C4orf50: variants seen among roughly 807,000 people sequenced by gnomAD.
The protein encoded by C4orf50 is uncharacterized protein C4orf50.
C4orf50 carries 80 observed loss-of-function variants against 77.2 expected under a neutral mutation model. That is an observed-to-expected ratio of 1.04 (90% CI 0.87 to 1.25). The LOEUF (loss-of-function observed/expected upper bound fraction) is 1.25. C4orf50 is among the 50% of genes most tolerant of loss of function. The pLI is 0.00. For synonymous variants in C4orf50, 532 were observed against 465.3 expected (o/e 1.14, Z -1.84); for missense variants, 1,257 against 1,152.9 (o/e 1.09, Z -1.31).
chr4:6,002,497 C>T (rs1012275573), intron 25 of C4orf50, among the ~76,000 whole-genome samples: 21 of 152,212 alleles, frequency 1.4e-4, no homozygotes, highest in African/African-American at 4.6e-4. Context: ...CCTGCAGCCC[C>T]GGGAATACCC....
At chr4:5,909,480 T>C (rs1716700767) in intron 7 of C4orf50, among the ~76,000 whole-genome samples, 1 of 152,248 alleles carries the variant, frequency 6.6e-6, no homozygotes, top group South Asian at 2.1e-4. Flanking sequence ...CTCTGTTGAT[T>C]GTTTCCTTTG....
At chr4:5,914,426 G>T (rs912077332) in intron 7 of C4orf50, among the ~76,000 whole-genome samples, 1 of 151,794 alleles carries the variant, frequency 6.6e-6, no homozygotes, top group Non-Finnish European at 1.5e-5. Context: ...GGATGGTCTC[G>T]ATCTCCTGAC....
chr4:5,997,360 A>G (rs73196050), intron 25 of C4orf50, among the ~76,000 whole-genome samples: 9,926 of 152,310 alleles, frequency 0.065, 348 homozygotes, highest in African/African-American at 0.077. Flanking sequence ...GCCTCGAGGA[A>G]GTGACATCCA....
At chr4:5,950,797 G>C (rs963344122) in intron 7 of C4orf50, among the ~76,000 whole-genome samples, 2 of 152,124 alleles carry the variant, frequency 1.3e-5, no homozygotes, top group Admixed American at 6.5e-5. Context: ...CTGATGACTT[G>C]TTCATAGCTG....
chr4:5,959,613 A>G, exon 34 of C4orf50: 2 of 1,613,420 alleles, frequency 1.2e-6, no homozygotes, highest in Non-Finnish European at 1.7e-6. Context: ...CGTGGACACC[A>G]AGGACAGAGG....
Position 5,959,294 on chromosome 4 carries a change from A to G in C4orf50, c.*81T>C, listed in dbSNP as rs1387878116. 11 of 1,487,318 alleles carry G rather than the reference A, an allele frequency of 7.4e-6. No individual in the cohort carries two copies. The East Asian group carries it at 1.8e-4, about 25-fold the overall frequency. 92.1% of individuals were successfully genotyped at this position (1,487,318 alleles called of 1,614,324 possible). ...TAAATGAGGGCTCTGATTGCTACCA[A>G]TTTCTTAAAGCACTCTCTGAAGGTT... On this transcript the variant is annotated 3_prime_UTR_variant, in exon 34 of 34. Coordinates refer to ENST00000531445, the Ensembl canonical transcript of C4orf50.
chr4:5,989,077 T>C (rs1409339259), exon 28 of C4orf50: 4 of 1,535,984 alleles, frequency 2.6e-6, no homozygotes, highest in South Asian at 1.2e-5. Context: ...CAGTTCTTTC[T>C]TTAACTGAGA....
At chr4:5,927,052 G>T (rs1330625156) in intron 7 of C4orf50, among the ~76,000 whole-genome samples, 1 of 152,218 alleles carries the variant, frequency 6.6e-6, no homozygotes, top group Non-Finnish European at 1.5e-5. Context: ...GATGCCCACT[G>T]TGGAAGGGGA....
At chr4:5,928,363 T>TACACACACACACACACATAC (rs143874965) in intron 7 of C4orf50, among the ~76,000 whole-genome samples, 1 of 146,468 alleles carries the variant, frequency 6.8e-6, no homozygotes, top group Non-Finnish European at 1.5e-5. Context: ...CACACACACA[T>TACACACACACACACACATAC]ACACACACAC....
At chr4:5,920,475 C>CTTTT (rs527939516) in intron 7 of C4orf50, among the ~76,000 whole-genome samples, 3 of 128,988 alleles carry the variant, frequency 2.3e-5, no homozygotes, top group Admixed American at 7.9e-5. Flanking sequence ...ATAAACATTG[C>CTTTT]TTTTTTTTTT....
Position 5,975,255 on chromosome 4 carries a change from G to A in C4orf50, c.3921+644C>T, listed in dbSNP as rs144675771. ...AAAGGAAGGGGCTTGAGCACAGAGC[G>A]CAGGGGTGGTGATTTTATGGACCAA... On this transcript the variant is annotated intron_variant, in intron 30 of 33. Transcript: ENST00000531445. Among the ~76,000 whole-genome samples the A allele has an allele frequency of 4.1e-3, 619 of 151,356 alleles. 4 individuals carry two copies. The highest frequency in any genetic ancestry group is 0.014 in the African/African-American group (586 of 41,264).
chr4:5,980,556 C>T (rs1255789588), intron 28 of C4orf50, among the ~76,000 whole-genome samples: 2 of 152,048 alleles, frequency 1.3e-5, no homozygotes, highest in African/African-American at 2.4e-5. Context: ...CATAGATTTT[C>T]TGCAGATTTC....
At chr4:5,955,082 G>A (rs1021158498), downstream of C4orf50, among the ~76,000 whole-genome samples, 7 of 151,984 alleles carry the variant, frequency 4.6e-5, no homozygotes, top group Admixed American at 1.3e-4. The surrounding 1 kb of genome is among the most constrained non-coding windows in gnomAD (Gnocchi z 5.1). Flanking sequence ...CCCTCTGAGC[G>A]CCCGCCCCTA....
chr4:5,983,671 G>T (rs1490686754), intron 28 of C4orf50, among the ~76,000 whole-genome samples: 1 of 152,194 alleles, frequency 6.6e-6, no homozygotes, highest in Non-Finnish European at 1.5e-5. Context: ...CAACAAGGCA[G>T]GCTCCACATT....
intron 26 of C4orf50, 112 bp from the exon 5 acceptor site, chr4:5,993,042 C>G (rs1014947586): frequency 2.3e-5 from 9 of 396,798 alleles, no homozygotes; most frequent in Non-Finnish European, 3.5e-5. Context: ...CCCCCCCACC[C>G]CCGACTGTGA....
rs1290821809 is a variant in C4orf50 at position 5,919,945 on chromosome 4, GCA to G, written c.*2475-21759_*2475-21758del. On this transcript the variant is annotated intron_variant, in intron 7 of 7. Transcript: ENST00000324058. This position sits in a 1 kb window ranked among gnomAD's most constrained non-coding sequence, Gnocchi z 6.5. ...AGAAAACTTAGTCTGTGTTCAACAC[GCA>G]CAGACTTTTCTTGTCATCATTCCCT... Among the ~76,000 whole-genome samples, 3 of 152,202 alleles carry G rather than the reference GCA, an allele frequency of 2.0e-5. No homozygotes were observed. In the East Asian group the frequency reaches 5.8e-4, roughly 29 times the overall value.
chr4:5,996,832 C>T (rs1287041489), intron 25 of C4orf50, among the ~76,000 whole-genome samples: 1 of 152,254 alleles, frequency 6.6e-6, no homozygotes, highest in Non-Finnish European at 1.5e-5. Flanking sequence ...CCTGCCTGCA[C>T]CCAGAGGGCC....
Position 5,919,210 on chromosome 4 carries a change from G to C in C4orf50, c.*2475-21022C>G, listed in dbSNP as rs185000550. On this transcript the variant is annotated intron_variant, in intron 7 of 7. Transcript: ENST00000324058. This position sits in a 1 kb window ranked among gnomAD's most constrained non-coding sequence, Gnocchi z 6.5. ...AGGGCCCCTGGCTGTGCCATTTCCG[G>C]AGCTGAATGTATTCAGGGGCCTGTT... 3.3e-4 allele frequency among the ~76,000 whole-genome samples: 51 copies of C among 152,286 alleles called. No individual in the cohort carries two copies. The East Asian group carries it at 7.5e-3, about 23-fold the overall frequency.
intron 7 of C4orf50, among the ~76,000 whole-genome samples, chr4:5,914,594 G>A (rs13131600): frequency 0.78 from 118,110 of 152,098 alleles, 49,885 homozygotes; most frequent in East Asian, 1. Context: ...AATTATCACG[G>A]TTTGAATTTT....
Sources: allele counts gnomAD v4.1 joint callset (sites outside exome capture counted in the v4.1 genomes callset), GRCh38; gene constraint gnomAD v4.1.1; non-coding constraint Gnocchi (gnomAD v3.1); transcripts MANE v1.5; gene names NCBI Gene and HGNC (gene_info 2026-07-23, HGNC 2026-07-21).